The following UVRAG variants were observed in gnomAD, a reference collection of about 807,000 sequenced individuals.
The protein encoded by UVRAG is UV radiation resistance-associated gene protein.
Under a neutral mutation model 78.0 loss-of-function variants are expected in UVRAG, and 19 were observed. The ratio of observed to expected loss-of-function variants is 0.24; its 90% CI spans 0.17 to 0.36. The LOEUF is 0.36. Ranked by LOEUF, UVRAG falls within the 10% of genes least tolerant of loss-of-function variation. UVRAG has a pLI of 1.00. For missense variants in UVRAG, 740 were observed against 853.8 expected, an observed-to-expected ratio of 0.87 and a Z score of 1.66; for synonymous variants, 323 against 324.6, an observed-to-expected ratio of 1.00 and a Z score of 0.05.
chr11:76,004,603 TTTCA>T (rs10553590), intron 9 of UVRAG, among the ~76,000 whole-genome samples: 129,278 of 147,902 alleles, frequency 0.87, 57,009 homozygotes, highest in Middle Eastern at 0.95. Context: ...TGGAGAAACA[TTTCA>T]TTCATTCATT....
intron 14 of UVRAG, chr11:76,137,590 C>T (rs1187440150): frequency 2.5e-6 from 1 of 392,748 alleles, no homozygotes; most frequent in African/African-American, 2.1e-5. Context: ...AACTAATTTC[C>T]TTACCATTCT....
intron 13 of UVRAG, among the ~76,000 whole-genome samples, chr11:76,097,272 G>T (rs1387539082): frequency 6.6e-6 from 1 of 151,926 alleles, no homozygotes; most frequent in African/African-American, 2.4e-5. Flanking sequence ...TTCCTCTCTA[G>T]GCTGCTGCTC....
intron 1 of UVRAG, among the ~76,000 whole-genome samples, chr11:75,822,869 A>G (rs1337710834): frequency 6.6e-6 from 1 of 151,972 alleles, no homozygotes; most frequent in East Asian, 1.9e-4. Flanking sequence ...TCATGTAGGC[A>G]TGATCAATTA....
At chr11:76,005,343 A>G (rs1023668311) in intron 9 of UVRAG, among the ~76,000 whole-genome samples, 29 of 145,452 alleles carry the variant, frequency 2.0e-4, no homozygotes, top group African/African-American at 7.0e-4. Flanking sequence ...ACGCCATCTT[A>G]AAAAAAAAAA....
chr11:75,981,927 A>C (rs1194760407), intron 7 of UVRAG, among the ~76,000 whole-genome samples: 1 of 146,624 alleles, frequency 6.8e-6, no homozygotes, highest in Non-Finnish European at 1.5e-5. Flanking sequence ...TTTTTTTCCT[A>C]CTTTTTCATT....
intron 1 of UVRAG, among the ~76,000 whole-genome samples, chr11:75,818,083 AC>A (rs1945301020): frequency 6.6e-6 from 1 of 151,464 alleles, no homozygotes; most frequent in African/African-American, 2.4e-5. Context: ...AAACAAACAA[AC>A]AAAAAACCCC....
At chr11:76,061,180 GTATC>G (rs1238479614) in intron 12 of UVRAG, among the ~76,000 whole-genome samples, 2 of 152,192 alleles carry the variant, frequency 1.3e-5, no homozygotes, top group Non-Finnish European at 2.9e-5. Flanking sequence ...TCCACACTCT[GTATC>G]TAGCTACTCT....
intron 12 of UVRAG, among the ~76,000 whole-genome samples, chr11:76,063,881 T>C (rs1184929741): frequency 6.6e-6 from 1 of 152,258 alleles, no homozygotes. Context: ...TTTTCAAGAT[T>C]GATAGATCTA....
chr11:75,885,817 TAGTC>T (rs1433327461), intron 4 of UVRAG, among the ~76,000 whole-genome samples: 1 of 152,188 alleles, frequency 6.6e-6, no homozygotes, highest in African/African-American at 2.4e-5. Flanking sequence ...GCATATTTAT[TAGTC>T]AGGAACAAAG....
At chr11:75,915,794 T>G (rs1164757754) in intron 6 of UVRAG, among the ~76,000 whole-genome samples, 1 of 152,220 alleles carries the variant, frequency 6.6e-6, no homozygotes, top group Non-Finnish European at 1.5e-5. Context: ...TCTGTTTTTT[T>G]AAAGTCCTAT....
chr11:76,060,655 G>A (rs1490649414), intron 12 of UVRAG, among the ~76,000 whole-genome samples: 1 of 152,200 alleles, frequency 6.6e-6, no homozygotes, highest in Non-Finnish European at 1.5e-5. Context: ...CCCCGCACTC[G>A]GAGTGGCCGG....
chr11:76,097,010 T>G (rs1176320869), intron 13 of UVRAG, among the ~76,000 whole-genome samples: 2 of 152,146 alleles, frequency 1.3e-5, no homozygotes, highest in Non-Finnish European at 2.9e-5. Context: ...TTCCCTTAAC[T>G]GAAGCGTGCA....
chr11:75,887,705 C>T (rs1036813449), intron 4 of UVRAG, among the ~76,000 whole-genome samples: 12 of 152,118 alleles, frequency 7.9e-5, no homozygotes, highest in Admixed American at 7.9e-4. Context: ...CCTTGGCCTC[C>T]CAAAGTGCTG....
intron 6 of UVRAG, among the ~76,000 whole-genome samples, chr11:75,943,007 G>C (rs752315545): frequency 1.6e-4 from 25 of 152,104 alleles, no homozygotes; most frequent in Admixed American, 1.6e-3. Context: ...GTTACAGTGA[G>C]CTATGATCAT....
At chr11:76,004,136 G>A (rs200827887) in intron 9 of UVRAG, 47 bp downstream of exon 9, 11 of 1,569,764 alleles carry the variant, frequency 7.0e-6, no homozygotes, top group African/African-American at 4.0e-5. Context: ...AGTTTACTGC[G>A]AGGATAGATT....
At chr11:75,859,110 C>A (rs1590942153) in intron 2 of UVRAG, among the ~76,000 whole-genome samples, 1 of 152,140 alleles carries the variant, frequency 6.6e-6, no homozygotes, top group Non-Finnish European at 1.5e-5. Flanking sequence ...TGTGGTGGCT[C>A]ACGCCTGTAA....
At chr11:75,881,404 A>G (rs943188579) in intron 4 of UVRAG, among the ~76,000 whole-genome samples, 1 of 152,220 alleles carries the variant, frequency 6.6e-6, no homozygotes, top group Non-Finnish European at 1.5e-5. Context: ...GGGAGCTTCC[A>G]GGTTACAGAC....
chr11:75,978,876 C>T (rs1044353616), intron 7 of UVRAG, among the ~76,000 whole-genome samples: 3 of 152,196 alleles, frequency 2.0e-5, no homozygotes, highest in African/African-American at 7.2e-5. Context: ...TCTCTCTGCT[C>T]GTCAAAGTCT....
intron 3 of UVRAG, among the ~76,000 whole-genome samples, chr11:75,866,063 C>G (rs2054085867): frequency 2.0e-5 from 3 of 151,894 alleles, no homozygotes; most frequent in Admixed American, 2.0e-4. Context: ...TCAAGACCAG[C>G]CTGGGCAACA....
Sources: allele counts gnomAD v4.1 joint callset (sites outside exome capture counted in the v4.1 genomes callset), GRCh38; gene constraint gnomAD v4.1.1; transcripts MANE v1.5; gene names NCBI Gene and HGNC (gene_info 2026-07-23, HGNC 2026-07-21).